TSPAN9: variants seen among roughly 807,000 people sequenced by gnomAD.
The protein encoded by TSPAN9 is tetraspanin-9.
A neutral mutation model predicts 31.0 loss-of-function variants in TSPAN9; 16 were observed. The ratio of observed to expected loss-of-function variants is 0.52; its 90% CI spans 0.35 to 0.78. TSPAN9 has a LOEUF of 0.78. TSPAN9 is among the 30% of genes least tolerant of loss of function. The pLI is 0.01. For synonymous variants in TSPAN9, 145 were observed against 121.6 expected, an observed-to-expected ratio of 1.19 and a Z score of -1.27; for missense variants, 272 against 312.5, an observed-to-expected ratio of 0.87 and a Z score of 0.98.
chr12:3,235,124 AGTGAGCAGAGC>A (rs2098392708), intron 3 of TSPAN9, among the ~76,000 whole-genome samples: 1 of 73,694 alleles, frequency 1.4e-5, no homozygotes, highest in Non-Finnish European at 3.1e-5. Context: ...CGGAGCTTGC[AGTGAGCAGAGC>A]TTGCGCCACT....
chr12:3,165,889 G>A (rs922654179), intron 2 of TSPAN9, among the ~76,000 whole-genome samples: 1 of 152,214 alleles, frequency 6.6e-6, no homozygotes, highest in Non-Finnish European at 1.5e-5. Context: ...CCATGTTCGA[G>A]GCAGCCTCAT....
chr12:3,199,569 G>T (rs1382741389), intron 2 of TSPAN9, among the ~76,000 whole-genome samples: 2 of 152,226 alleles, frequency 1.3e-5, no homozygotes, highest in Admixed American at 6.5e-5. Flanking sequence ...ATCACTCTTG[G>T]CACAGGCGGG....
chr12:3,093,440 C>T (rs2098305972), intron 2 of TSPAN9, among the ~76,000 whole-genome samples: 1 of 152,158 alleles, frequency 6.6e-6, no homozygotes. Flanking sequence ...TGGTGAGTCT[C>T]CGAGTGTCCT....
At chr12:3,092,818 C>G (rs1268332310) in intron 2 of TSPAN9, among the ~76,000 whole-genome samples, 1 of 152,220 alleles carries the variant, frequency 6.6e-6, no homozygotes, top group Non-Finnish European at 1.5e-5. Flanking sequence ...TCTTCAGGAG[C>G]ACAGTAGCAA....
At chr12:3,219,569 A>C (rs928879669) in intron 3 of TSPAN9, among the ~76,000 whole-genome samples, 1 of 152,152 alleles carries the variant, frequency 6.6e-6, no homozygotes, top group African/African-American at 2.4e-5. Context: ...GATCCTTTGA[A>C]GACTATAAAG....
chr12:3,201,040 C>T (rs940897641), intron 2 of TSPAN9, 137 bp from the exon 3 acceptor site: 5 of 740,904 alleles, frequency 6.7e-6, no homozygotes, highest in Non-Finnish European at 8.9e-6. Context: ...GCTTCACGGC[C>T]GGCGCCTTCT....
chr12:3,205,967 G>A (rs575320715), intron 3 of TSPAN9, among the ~76,000 whole-genome samples: 2 of 152,064 alleles, frequency 1.3e-5, no homozygotes, highest in South Asian at 2.1e-4. Flanking sequence ...AATCTTGTCA[G>A]AGCAAGCATT....
chr12:3,095,366 G>A (rs1397286205), intron 2 of TSPAN9, among the ~76,000 whole-genome samples: 1 of 150,660 alleles, frequency 6.6e-6, no homozygotes, highest in Non-Finnish European at 1.5e-5. Context: ...ATCCTGGCCC[G>A]TTCTCAATGA....
intron 3 of TSPAN9, among the ~76,000 whole-genome samples, chr12:3,244,290 T>TC (rs1163920990): frequency 2.0e-5 from 3 of 151,876 alleles, no homozygotes; most frequent in Non-Finnish European, 4.4e-5. Flanking sequence ...GGCCTTATCC[T>TC]CCCCCTGCAC....
chr12:3,120,964 G>C (rs987435158), intron 2 of TSPAN9, among the ~76,000 whole-genome samples: 10 of 152,262 alleles, frequency 6.6e-5, no homozygotes, highest in African/African-American at 1.9e-4. Flanking sequence ...CAGAACTCAG[G>C]TGGGAGTCAG....
chr12:3,202,297 C>T (rs138617421), intron 3 of TSPAN9, among the ~76,000 whole-genome samples: 188 of 152,296 alleles, frequency 1.2e-3, no homozygotes, highest in Admixed American at 1.8e-3. Context: ...TGTCAGCTGC[C>T]CACTGCCCGT....
chr12:3,278,638 C>T (rs1171140215), intron 4 of TSPAN9, 26 bp downstream of exon 4: 1 of 1,601,750 alleles, frequency 6.2e-7, no homozygotes, highest in Admixed American at 1.7e-5. Context: ...ATCCCCAGCC[C>T]CTCCAACTCC....
In TSPAN9 at chr12:3,172,881, A is replaced by G. The variant is rs1373918104; in HGVS notation, c.-17-28296A>G. ...CGGCAGGCGAGTCTATTAAACAGAG[A>G]GGCTGGTCCCAGCGCAGGTTGTTAC... On this transcript the variant is annotated intron_variant, in intron 2 of 8. Transcript: ENST00000011898. The surrounding 1 kb of genome is among the most constrained non-coding windows in gnomAD (Gnocchi z 4.8). The G allele has an allele frequency of 6.6e-6, 1 of 152,204 alleles. No homozygotes were observed. Among genetic ancestry groups the G allele is most frequent in the Non-Finnish European group, 1.5e-5 (1 of 68,048 alleles). The allele number at this position is 152,204 out of a possible 1,614,324, so 9.4% of individuals were successfully genotyped here.
chr12:3,228,377 T>G (rs1217168169), intron 3 of TSPAN9, among the ~76,000 whole-genome samples: 1 of 152,068 alleles, frequency 6.6e-6, no homozygotes, highest in African/African-American at 2.4e-5. Context: ...AAAAAAGAAA[T>G]AAATAAGCTC....
chr12:3,128,233 G>A (rs2098328222), intron 2 of TSPAN9, among the ~76,000 whole-genome samples: 1 of 152,170 alleles, frequency 6.6e-6, no homozygotes, highest in African/African-American at 2.4e-5. Context: ...AGCCAGGGAT[G>A]TGGTTCAGTG....
At chr12:3,281,713 C>T (rs754998592) in intron 7 of TSPAN9, 21 bp from the exon 8 acceptor site, 1 of 1,606,986 alleles carries the variant, frequency 6.2e-7, no homozygotes. Context: ...GGACCCTAAC[C>T]TCGTGGGCCT....
chr12:3,096,369 A>G (rs2098308925), intron 2 of TSPAN9, among the ~76,000 whole-genome samples: 2 of 152,072 alleles, frequency 1.3e-5, no homozygotes, highest in South Asian at 4.1e-4. Flanking sequence ...CTGCGGCCTC[A>G]CTGGCATTCT....
intron 2 of TSPAN9, among the ~76,000 whole-genome samples, chr12:3,105,811 C>T (rs2098314248): frequency 6.6e-6 from 1 of 150,692 alleles, no homozygotes; most frequent in African/African-American, 2.4e-5. Flanking sequence ...CATGCGCACA[C>T]ACGCACACGC....
At chr12:3,180,100 A>G (rs1315009134) in intron 2 of TSPAN9, among the ~76,000 whole-genome samples, 4 of 152,206 alleles carry the variant, frequency 2.6e-5, no homozygotes, top group Non-Finnish European at 5.9e-5. Flanking sequence ...GACCCAGGGC[A>G]TTGTTTCTCC....
Sources: allele counts gnomAD v4.1 joint callset (sites outside exome capture counted in the v4.1 genomes callset), GRCh38; gene constraint gnomAD v4.1.1; non-coding constraint Gnocchi (gnomAD v3.1); transcripts MANE v1.5; gene names NCBI Gene and HGNC (gene_info 2026-07-23, HGNC 2026-07-21).